The following MECR variants were observed in gnomAD, a reference collection of about 807,000 sequenced individuals.
MECR encodes enoyl-[acyl-carrier-protein] reductase, mitochondrial.
MECR carries 37 observed loss-of-function variants against 49.1 expected under a neutral mutation model. The ratio of observed to expected loss-of-function variants is 0.75; its 90% CI spans 0.58 to 0.99. The LOEUF is 0.99. Ranked by LOEUF, MECR falls within the 50% of genes least tolerant of loss-of-function variation. MECR has a pLI of 0.00. For synonymous variants in MECR, 198 were observed against 191.1 expected (o/e 1.04, Z -0.30); for missense variants, 470 against 479.6 (o/e 0.98, Z 0.19).
chr1:29,198,855 G>A (rs1052829394), intron 7 of MECR, among the ~76,000 whole-genome samples: 1 of 152,184 alleles, frequency 6.6e-6, no homozygotes, highest in African/African-American at 2.4e-5. Context: ...GACCTCAGGT[G>A]ATCCACTTGC....
intron 7 of MECR, 69 bp downstream of exon 7, chr1:29,200,447 T>C (rs1675033330): frequency 1.5e-5 from 22 of 1,473,182 alleles, no homozygotes; most frequent in African/African-American, 1.3e-4. Flanking sequence ...ACTCAGTCAC[T>C]TGATGGTCCT....
chr1:29,188,269 AACCTCC>A (rs1673066647), downstream of MECR, among the ~76,000 whole-genome samples: 1 of 151,636 alleles, frequency 6.6e-6, no homozygotes, highest in South Asian at 2.1e-4. Flanking sequence ...GGCTCACTGC[AACCTCC>A]ACCTCCTGGG....
intron 1 of MECR, among the ~76,000 whole-genome samples, chr1:29,226,511 C>T (rs1451995497): frequency 6.6e-6 from 1 of 152,128 alleles, no homozygotes. Flanking sequence ...GCAGAAGGAT[C>T]GCTTGAGCTG....
the MECR span, among the ~76,000 whole-genome samples, chr1:29,182,235 C>A: frequency 6.6e-6 from 1 of 152,104 alleles, no homozygotes; most frequent in African/African-American, 2.4e-5. Context: ...GCTTTGGAAT[C>A]AAACCTAGCT....
chr1:29,213,509 ACT>A (rs1363109337), intron 3 of MECR, among the ~76,000 whole-genome samples: 3 of 152,062 alleles, frequency 2.0e-5, no homozygotes. Context: ...AGGGTGAGAG[ACT>A]CAATCAGAGC....
chr1:29,184,344 T>C, the MECR span, among the ~76,000 whole-genome samples: 16 of 152,124 alleles, frequency 1.1e-4, no homozygotes, highest in South Asian at 3.3e-3. Context: ...CTGGCTAATT[T>C]TTTTGTATCT....
At chr1:29,171,638 A>G in the MECR span, 2 of 152,062 alleles carry the variant, frequency 1.3e-5, no homozygotes, top group African/African-American at 4.8e-5. Flanking sequence ...ACAAATTTGT[A>G]AGTATCACCC....
At chr1:29,183,465 T>C in the MECR span, among the ~76,000 whole-genome samples, 1 of 152,228 alleles carries the variant, frequency 6.6e-6, no homozygotes, top group Non-Finnish European at 1.5e-5. Context: ...TGATAAGTTA[T>C]TGCTCAATTC....
intron 1 of MECR, among the ~76,000 whole-genome samples, chr1:29,218,297 C>A (rs1032794883): frequency 6.6e-6 from 1 of 152,116 alleles, no homozygotes; most frequent in African/African-American, 2.4e-5. Flanking sequence ...TGTACTGGAC[C>A]CATGGGGCCT....
At chr1:29,174,346 C>A in the MECR span, among the ~76,000 whole-genome samples, 1 of 152,126 alleles carries the variant, frequency 6.6e-6, no homozygotes, top group Non-Finnish European at 1.5e-5. Context: ...CAGGAATCTG[C>A]CCTAAGGCAA....
At chr1:29,174,603 T>A in the MECR span, among the ~76,000 whole-genome samples, 1 of 149,820 alleles carries the variant, frequency 6.7e-6, no homozygotes, top group South Asian at 2.1e-4. Context: ...ACTTATAGTA[T>A]GATTCCAAGT....
chr1:29,192,085 C>T (rs1336531723), downstream of MECR, among the ~76,000 whole-genome samples: 7 of 151,506 alleles, frequency 4.6e-5, no homozygotes, highest in South Asian at 2.1e-4. Flanking sequence ...TGTGAGACTT[C>T]GTCTCAAAAA....
chr1:29,187,025 C>A, the MECR span, among the ~76,000 whole-genome samples: 1 of 152,182 alleles, frequency 6.6e-6, no homozygotes, highest in Non-Finnish European at 1.5e-5. Flanking sequence ...CAGGAATGTT[C>A]CTGCCTTCAG....
At chr1:29,213,202 C>G (rs1445843279) in intron 3 of MECR, among the ~76,000 whole-genome samples, 1 of 152,252 alleles carries the variant, frequency 6.6e-6, no homozygotes, top group Non-Finnish European at 1.5e-5. Flanking sequence ...ACTGTCTGCT[C>G]ACCTTGATAG....
chr1:29,204,446 T>C (rs907925297), intron 4 of MECR, among the ~76,000 whole-genome samples: 5 of 151,960 alleles, frequency 3.3e-5, no homozygotes, highest in African/African-American at 1.2e-4. Flanking sequence ...ATCTAGTTGG[T>C]TGCAAGCACC....
At chr1:29,223,211 C>T in intron 1 of MECR, 1 of 985,406 alleles carries the variant, frequency 1.0e-6, no homozygotes, top group South Asian at 4.7e-5. Flanking sequence ...ATCAACAGAT[C>T]CCAGCCTGGA....
At chr1:29,182,704 C>T in the MECR span, among the ~76,000 whole-genome samples, 158 of 152,274 alleles carry the variant, frequency 1.0e-3, no homozygotes, top group African/African-American at 3.7e-3. Flanking sequence ...CCCCCACGCC[C>T]GGCTAATTTT....
the MECR span, among the ~76,000 whole-genome samples, chr1:29,175,558 G>T: frequency 2.9e-4 from 44 of 149,798 alleles, no homozygotes; most frequent in African/African-American, 8.1e-4. Flanking sequence ...AGCCGGGAGC[G>T]GTGGCGGGCT....
chr1:29,195,342 T>A (rs1673703820), intron 9 of MECR, among the ~76,000 whole-genome samples: 1 of 152,168 alleles, frequency 6.6e-6, no homozygotes, highest in South Asian at 2.1e-4. Flanking sequence ...CTTCCTCCCC[T>A]TCACTTGGAT....
Sources: gnomAD v4.1 joint callset for allele counts (sites outside exome capture counted in the v4.1 genomes callset) on GRCh38, gnomAD v4.1.1 for gene constraint, MANE v1.5 for transcripts, NCBI Gene and HGNC (gene_info 2026-07-23, HGNC 2026-07-21) for gene names.